Variants in VAMP3 observed in about 807,000 individuals in gnomAD.
VAMP3 encodes the protein vesicle associated membrane protein 3.
Under a neutral mutation model 18.1 loss-of-function variants are expected in VAMP3, and 11 were observed. The ratio of observed to expected loss-of-function variants is 0.61; its 90% CI spans 0.38 to 1.00. The LOEUF (loss-of-function observed/expected upper bound fraction) is 1.00. Ranked by LOEUF, VAMP3 falls within the 50% of genes least tolerant of loss-of-function variation. VAMP3 has a pLI of 0.01. For synonymous variants in VAMP3, 49 were observed against 43.1 expected (o/e 1.14, Z -0.53); for missense variants, 122 against 127.3 (o/e 0.96, Z 0.20).
At position 7,779,855 on chromosome 1, in the gene VAMP3, A is replaced by C. The variant is rs2097056230; in HGVS notation, c.*210A>C. On this transcript the variant is annotated 3_prime_UTR_variant, in exon 5 of 5. Coordinates refer to ENST00000054666, the MANE Select transcript of VAMP3 (RefSeq NM_004781.4). ...CGTCCACATTTTGCACAGTGCCTTTACAGATTTACGTATGGGCTGATGAAG... is the reference window on the plus strand; with the variant it reads ...CGTCCACATTTTGCACAGTGCCTTTCCAGATTTACGTATGGGCTGATGAAG... The C allele has an allele frequency of 1.6e-6, 1 of 611,856 alleles. No homozygotes were observed. The highest frequency in any genetic ancestry group is 1.9e-5 in the African/African-American group (1 of 53,586). The allele number at this position is 611,856 out of a possible 1,614,324, so 37.9% of individuals were successfully genotyped here.
chr1:7,778,903 A>G (rs958885310), intron 4 of VAMP3, among the ~76,000 whole-genome samples: 1 of 152,162 alleles, frequency 6.6e-6, no homozygotes, highest in African/African-American at 2.4e-5. Flanking sequence ...TCTGGTAAAT[A>G]TATAAAAATT....
rs1341560086 is a variant in VAMP3, at chr1:7,771,316, C to T, written c.-68C>T. The T allele has an allele frequency of 3.2e-5, 50 of 1,584,278 alleles. No individual in the cohort carries two copies. Among genetic ancestry groups the T allele is most frequent in the Non-Finnish European group, 3.9e-5 (45 of 1,168,168 alleles). The stretch of plus-strand genomic sequence containing the variant: ...GCGCCGTCCCACCCATCTCCCTGGC[C>T]TCCGGTCCCAACTTCGCTTCTCTGC... On this transcript the variant is annotated 5_prime_UTR_variant, in exon 1 of 5. Coordinates refer to ENST00000054666, the MANE Select transcript of VAMP3 (RefSeq NM_004781.4).
chr1:7,771,526 G>T, intron 1 of VAMP3, 141 bp downstream of exon 1: 1 of 1,129,962 alleles, frequency 8.8e-7, no homozygotes, highest in Non-Finnish European at 1.2e-6. Context: ...CCTGGGGGTG[G>T]GCGGTGGCCC....
rs2097057172 is a variant in VAMP3 at position 7,781,409 on chromosome 1, T to G, written c.*1764T>G. On this transcript the variant is annotated 3_prime_UTR_variant, in exon 5 of 5. Coordinates refer to ENST00000054666, the MANE Select transcript of VAMP3 (RefSeq NM_004781.4). ...TGGGAACTTACCCACTGTAATCACC[T>G]AAATAAAGTGTTTATAAACATGATT... The G allele has an allele frequency of 6.6e-6, 1 of 152,440 alleles. No homozygotes were observed. Among genetic ancestry groups the G allele is most frequent in the African/African-American group, 2.4e-5 (1 of 41,434 alleles). The allele number at this position is 152,440 out of a possible 1,614,324, so 9.4% of individuals were successfully genotyped here. A position where few individuals can be genotyped will look rare whatever the true frequency, so the allele number is the denominator to read the frequency against.
At chr1:7,779,485 G>C in intron 4 of VAMP3, 141 bp from the exon 5 acceptor site, 1 of 1,165,854 alleles carries the variant, frequency 8.6e-7, no homozygotes, top group Non-Finnish European at 1.2e-6. Context: ...CTATAGAATG[G>C]AGAGAAGCCA....
chr1:7,775,507 C>T (rs1185955999), intron 2 of VAMP3, among the ~76,000 whole-genome samples: 6 of 152,022 alleles, frequency 3.9e-5, no homozygotes, highest in Admixed American at 6.6e-5. Flanking sequence ...GCCACCTTGC[C>T]CGGCTAATTT....
chr1:7,772,723 T>A (rs2097051893), intron 1 of VAMP3: 1 of 152,124 alleles, frequency 6.6e-6, no homozygotes, highest in African/African-American at 2.4e-5. Flanking sequence ...ACCCCGTCTC[T>A]ACTAAAAAAT....
intron 2 of VAMP3, 25 bp from the exon 3 acceptor site, chr1:7,777,135 A>G: frequency 1.3e-6 from 2 of 1,586,954 alleles, no homozygotes; most frequent in Non-Finnish European, 1.7e-6. Flanking sequence ...TTTGTGCATT[A>G]CTTGCTGTGA....
chr1:7,774,665 C>T (rs1171560546), intron 2 of VAMP3, among the ~76,000 whole-genome samples: 1 of 152,164 alleles, frequency 6.6e-6, no homozygotes, highest in African/African-American at 2.4e-5. Context: ...CAATGTGTGG[C>T]CTTTTGCATC....
At position 7,771,367 on chromosome 1, in the gene VAMP3, C is replaced by G; in HGVS notation, c.-17C>G. 6.3e-7 allele frequency: 1 copy of G among 1,593,446 alleles called. No individual in the cohort carries two copies. Among genetic ancestry groups the G allele is most frequent in the South Asian group, 1.1e-5 (1 of 90,060 alleles). ...TGACCCTCTCTCGTCGCCGCTGCCG[C>G]CGCCGCAGCTGCCAAAATGTGAGTG... is the stretch of plus-strand genomic sequence containing the variant. On this transcript the variant is annotated 5_prime_UTR_variant, in exon 1 of 5. Coordinates refer to ENST00000054666, the MANE Select transcript of VAMP3 (RefSeq NM_004781.4).
chr1:7,778,736 G>C (rs763180551), intron 4 of VAMP3, among the ~76,000 whole-genome samples: 1 of 152,116 alleles, frequency 6.6e-6, no homozygotes, highest in Non-Finnish European at 1.5e-5. Context: ...GTGGTTAAAA[G>C]CATGGAGTGC....
rs918775612 is a variant in VAMP3 at position 7,781,156 on chromosome 1, C to T, written c.*1511C>T. On this transcript the variant is annotated 3_prime_UTR_variant, in exon 5 of 5. Coordinates refer to ENST00000054666, the MANE Select transcript of VAMP3 (RefSeq NM_004781.4). ...ATTTCTTTAACGTCTGTTCCCTTAACATCGCTGAAATGATTTACTGTTGAA... is the reference window on the plus strand; with the variant it reads ...ATTTCTTTAACGTCTGTTCCCTTAATATCGCTGAAATGATTTACTGTTGAA... 2 of 152,956 alleles carry T rather than the reference C, an allele frequency of 1.3e-5. No homozygotes were observed. The highest frequency in any genetic ancestry group is 1.3e-4 in the Admixed American group (2 of 15,308). The allele number at this position is 152,956 out of a possible 1,614,324, so 9.5% of individuals were successfully genotyped here. A position where few individuals can be genotyped will look rare whatever the true frequency, so the allele number is the denominator to read the frequency against.
intron 1 of VAMP3, among the ~76,000 whole-genome samples, 168 bp downstream of exon 1, chr1:7,771,553 A>G (rs2097050796): frequency 6.6e-6 from 1 of 152,046 alleles, no homozygotes; most frequent in South Asian, 2.1e-4. Context: ...CGCGGGCTGC[A>G]GACGGGCCGG....
Position 7,777,185 on chromosome 1 carries a change from T to C in VAMP3, c.98T>C (p.Val33Ala), listed in dbSNP as rs138476443. ...DEVVDIMRVN[V>A]DKVLERDQKL... ...GTGGTGGACATAATGCGAGTTAACG[T>C]GGACAAGGTTCTGGAAAGAGACCAG... Residue 33 changes from valine (V) to alanine (A), a missense_variant, in exon 3 of 5, where the codon GTG (valine) becomes GCG (alanine). Coordinates refer to ENST00000054666, the MANE Select transcript of VAMP3 (RefSeq NM_004781.4). The C allele has an allele frequency of 6.8e-6, 11 of 1,612,732 alleles. No individual in the cohort carries two copies. The highest frequency in any genetic ancestry group is 9.3e-6 in the Non-Finnish European group (11 of 1,179,440).
At chr1:7,773,745 A>C (rs1242120597) in intron 2 of VAMP3, among the ~76,000 whole-genome samples, 1 of 152,216 alleles carries the variant, frequency 6.6e-6, no homozygotes, top group Non-Finnish European at 1.5e-5. Context: ...CATTTAGCTC[A>C]GGAGAAATAA....
At chr1:7,773,416 C>T (rs1178586767) in intron 1 of VAMP3, 26 bp from the exon 2 acceptor site, 1 of 1,598,346 alleles carries the variant, frequency 6.3e-7, no homozygotes, top group Admixed American at 1.7e-5. Context: ...GTAATGTACT[C>T]ATGCTCATGC....
chr1:7,775,748 C>T (rs1452882049), intron 2 of VAMP3, among the ~76,000 whole-genome samples: 2 of 152,232 alleles, frequency 1.3e-5, no homozygotes, highest in Admixed American at 1.3e-4. Context: ...TAAGAATCCA[C>T]AGTCAAATCC....
At chr1:7,777,601 G>A (rs2097054914) in intron 3 of VAMP3, among the ~76,000 whole-genome samples, 1 of 152,126 alleles carries the variant, frequency 6.6e-6, no homozygotes, top group Admixed American at 6.5e-5. Context: ...CTCTACCCCA[G>A]CAGGGCCCCA....
rs1196204211 is a variant in VAMP3 at position 7,780,046 on chromosome 1, C to CTA, written c.*402_*403dup. The CTA allele has an allele frequency of 5.3e-6, 1 of 189,058 alleles. No individual in the cohort carries two copies. The highest frequency in any genetic ancestry group is 1.1e-5 in the Non-Finnish European group (1 of 90,602). The allele number at this position is 189,058 out of a possible 1,614,324, so 11.7% of individuals were successfully genotyped here. A position where few individuals can be genotyped will look rare whatever the true frequency, so the allele number is the denominator to read the frequency against. ...AACTTATGCCTTCCAGAAAAAAACA[C>CTA]TACTGCCTAACACAAATCTGTGATA... On this transcript the variant is annotated 3_prime_UTR_variant, in exon 5 of 5. Transcript: ENST00000054666.
Sources: allele counts gnomAD v4.1 joint callset (sites outside exome capture counted in the v4.1 genomes callset), GRCh38; gene constraint gnomAD v4.1.1; transcripts MANE v1.5; gene names NCBI Gene and HGNC (gene_info 2026-07-23, HGNC 2026-07-21).